NDUFA5: variants seen among roughly 807,000 people sequenced by gnomAD.
NDUFA5 encodes the protein NADH dehydrogenase [ubiquinone] 1 alpha subcomplex subunit 5.
In NDUFA5, 11 loss-of-function variants were observed where a neutral mutation model predicts 19.8. The observed-to-expected ratio is 0.56, with a 90% CI of 0.35 to 0.92. The LOEUF (loss-of-function observed/expected upper bound fraction) is 0.92. Among genes scored for constraint, NDUFA5 ranks in the 40% least tolerant of loss-of-function variants. The probability of loss-of-function intolerance (pLI) is 0.01; values close to 1 mark genes in which losing one functional copy is unlikely to be tolerated. For synonymous variants in NDUFA5, 47 were observed against 46.8 expected (o/e 1.00, Z -0.01); for missense variants, 109 against 134.2 (o/e 0.81, Z 0.93).
chr7:123,582,851 C>T, the NDUFA5 span, among the ~76,000 whole-genome samples: 1 of 151,972 alleles, frequency 6.6e-6, no homozygotes, highest in Non-Finnish European at 1.5e-5. Context: ...TAAATACATA[C>T]TTGGCAAATA....
chr7:123,549,219 G>C (rs908667113), intron 3 of NDUFA5, among the ~76,000 whole-genome samples: 1 of 151,986 alleles, frequency 6.6e-6, no homozygotes, highest in African/African-American at 2.4e-5. Context: ...GTCTATTATT[G>C]GCTGTATGGT....
At chr7:123,598,506 A>G in the NDUFA5 span, among the ~76,000 whole-genome samples, 1 of 152,346 alleles carries the variant, frequency 6.6e-6, no homozygotes, top group East Asian at 1.9e-4. Context: ...GCAAAAGGAA[A>G]AACAAGAAAA....
chr7:123,600,035 G>C, the NDUFA5 span, among the ~76,000 whole-genome samples: 2 of 152,232 alleles, frequency 1.3e-5, no homozygotes, highest in South Asian at 4.2e-4. Context: ...TCAAATATAT[G>C]AGTTACTCAA....
the NDUFA5 span, among the ~76,000 whole-genome samples, chr7:123,600,584 T>C: frequency 6.6e-6 from 1 of 152,166 alleles, no homozygotes; most frequent in East Asian, 1.9e-4. Flanking sequence ...AATTCCAAAT[T>C]AGATTAATAA....
chr7:123,578,527 G>A, the NDUFA5 span, among the ~76,000 whole-genome samples: 77 of 151,980 alleles, frequency 5.1e-4, no homozygotes, highest in African/African-American at 1.8e-3. Flanking sequence ...ATTTATCTGT[G>A]CAAGCTCAGT....
chr7:123,568,647 C>T, the NDUFA5 span, among the ~76,000 whole-genome samples: 2 of 152,192 alleles, frequency 1.3e-5, no homozygotes, highest in East Asian at 3.9e-4. Flanking sequence ...TGTTGCTCCT[C>T]ATTTAAAAGC....
the NDUFA5 span, among the ~76,000 whole-genome samples, chr7:123,588,988 G>C: frequency 6.6e-6 from 1 of 151,742 alleles, no homozygotes; most frequent in Non-Finnish European, 1.5e-5. Context: ...GGCCTAACAT[G>C]ATCTATCCTG....
chr7:123,546,815 A>G (rs1798149461), intron 3 of NDUFA5: 1 of 657,458 alleles, frequency 1.5e-6, no homozygotes, highest in Non-Finnish European at 2.4e-6. Context: ...GCATTATGAT[A>G]GGCTGAAAAA....
At chr7:123,565,357 A>G in the NDUFA5 span, among the ~76,000 whole-genome samples, 1 of 151,374 alleles carries the variant, frequency 6.6e-6, no homozygotes, top group Non-Finnish European at 1.5e-5. Flanking sequence ...AGACGCACCC[A>G]GAAATGTTTT....
chr7:123,547,244 C>T (rs913043103), intron 3 of NDUFA5, among the ~76,000 whole-genome samples: 1 of 152,112 alleles, frequency 6.6e-6, no homozygotes, highest in African/African-American at 2.4e-5. Context: ...TTTAAGCCAC[C>T]AAGTTTGTGG....
At chr7:123,558,342 C>T (rs1002952354), upstream of NDUFA5, 4 of 154,760 alleles carry the variant, frequency 2.6e-5, no homozygotes, top group African/African-American at 9.6e-5. Context: ...ATTTCACTGG[C>T]TGAAATACAT....
At position 123,539,910 on chromosome 7, in the gene NDUFA5, C is replaced by T. The variant is rs373332223; in HGVS notation, c.*2209G>A. ...TTCATTTGGTACAGCCCATACAGCA[C>T]AGGAAGAAGTCACAACATCCCAAGC... On this transcript the variant is annotated 3_prime_UTR_variant, in exon 5 of 5. Transcript: ENST00000355749. The T allele has an allele frequency of 1.3e-5, 2 of 152,286 alleles. No homozygotes were observed. The highest frequency in any genetic ancestry group is 4.8e-5 in the African/African-American group (2 of 41,556). 9.4% of individuals were successfully genotyped at this position (152,286 alleles called of 1,614,324 possible).
chr7:123,591,852 T>C, the NDUFA5 span, among the ~76,000 whole-genome samples: 1 of 152,212 alleles, frequency 6.6e-6, no homozygotes, highest in African/African-American at 2.4e-5. Context: ...TTCTGTTGAT[T>C]GAAATAGTTT....
In NDUFA5 at chr7:123,557,807, C is replaced by T. The variant is rs375779933; in HGVS notation, c.-12G>A. ...AGCACACCCGCCATGACAGCGCCAA[C>T]GACTCGGTGACGCACAACCCTTTGG... On this transcript the variant is annotated 5_prime_UTR_variant, in exon 1 of 5. Coordinates refer to ENST00000355749, the MANE Select transcript of NDUFA5 (RefSeq NM_005000.5). 2 of 1,614,138 alleles carry T rather than the reference C, an allele frequency of 1.2e-6. No homozygotes were observed. Among genetic ancestry groups the T allele is most frequent in the Non-Finnish European group, 1.7e-6 (2 of 1,180,024 alleles).
the NDUFA5 span, among the ~76,000 whole-genome samples, chr7:123,572,892 A>G: frequency 6.6e-6 from 1 of 151,244 alleles, no homozygotes; most frequent in South Asian, 2.1e-4. Flanking sequence ...TATTTAATTA[A>G]TTGTTGACAT....
chr7:123,592,706 T>A, the NDUFA5 span, among the ~76,000 whole-genome samples: 1 of 152,288 alleles, frequency 6.6e-6, no homozygotes. Flanking sequence ...TACTTCCAAT[T>A]TTTTGGTCAA....
the NDUFA5 span, among the ~76,000 whole-genome samples, chr7:123,564,478 G>A: frequency 6.6e-6 from 1 of 152,026 alleles, no homozygotes; most frequent in African/African-American, 2.4e-5. Flanking sequence ...GTTCCCCAGA[G>A]AAAGAGAACC....
intron 2 of NDUFA5, chr7:123,556,889 C>A: frequency 1.9e-6 from 1 of 513,688 alleles, no homozygotes; most frequent in Non-Finnish European, 3.9e-6. Context: ...AGAGATAACT[C>A]TTTTGAGTTA....
chr7:123,596,995 A>T, the NDUFA5 span, among the ~76,000 whole-genome samples: 1 of 152,226 alleles, frequency 6.6e-6, no homozygotes, highest in South Asian at 2.1e-4. Flanking sequence ...CACTACTGAG[A>T]TATGTAAGAA....
Sources: allele counts gnomAD v4.1 joint callset (sites outside exome capture counted in the v4.1 genomes callset), GRCh38; gene constraint gnomAD v4.1.1; transcripts MANE v1.5; gene names NCBI Gene and HGNC (gene_info 2026-07-23, HGNC 2026-07-21).